BAZ1A: variants seen among roughly 807,000 people sequenced by gnomAD.
The protein encoded by BAZ1A is bromodomain adjacent to zinc finger domain protein 1A.
In BAZ1A, 50 loss-of-function variants were observed where a neutral mutation model predicts 185.2. The observed-to-expected ratio is 0.27, with a 90% CI of 0.22 to 0.34. The LOEUF is 0.34. Ranked by LOEUF, BAZ1A falls within the 10% of genes least tolerant of loss-of-function variation. The pLI is 1.00. For synonymous variants in BAZ1A, 571 were observed against 615.6 expected (o/e 0.93, Z 1.07); for missense variants, 1,356 against 1,839.9 (o/e 0.74, Z 4.81).
intron 18 of BAZ1A, 122 bp from the exon 19 acceptor site, chr14:34,774,612 CAAAT>C: frequency 1.3e-6 from 1 of 761,628 alleles, no homozygotes; most frequent in Non-Finnish European, 2.0e-6. Flanking sequence ...TCAAGTGCCA[CAAAT>C]GAATGAATGA....
chr14:34,800,350 G>A lies in BAZ1A; in HGVS notation c.1002C>T (p.Ala334=). The A allele has an allele frequency of 6.5e-7, 1 of 1,537,498 alleles. No individual in the cohort carries two copies. Among genetic ancestry groups the A allele is most frequent in the South Asian group, 1.3e-5 (1 of 79,034 alleles). The change falls in exon 9 of 27, where the codon GCC becomes GCT. Residue 334 remains alanine (A), a synonymous_variant. Transcript: ENST00000360310. ...CTTTTTCTTTTTTCTTCGCTTCTAG[G>A]GCATCTGCTTTTTCTCTTTTTAATT... The part of the protein sequence containing the change: ...KAKLKREKAD[A]LEAKKKEKED...
chr14:34,835,622 CACA>C (rs1358740982), intron 3 of BAZ1A, among the ~76,000 whole-genome samples: 2 of 151,002 alleles, frequency 1.3e-5, no homozygotes, highest in Non-Finnish European at 2.9e-5. Context: ...AGTATAAGGG[CACA>C]ACATTAATTA....
chr14:34,814,783 T>C (rs1468771211), intron 4 of BAZ1A, among the ~76,000 whole-genome samples: 1 of 149,460 alleles, frequency 6.7e-6, no homozygotes, highest in Non-Finnish European at 1.5e-5. Flanking sequence ...GACCTTATCT[T>C]TTTTTTTTTG....
intron 2 of BAZ1A, among the ~76,000 whole-genome samples, chr14:34,871,022 C>T (rs962254366): frequency 2.0e-5 from 3 of 152,102 alleles, no homozygotes; most frequent in African/African-American, 7.2e-5. Context: ...AGGCTGAACT[C>T]ACTCAAAGAT....
At chr14:34,846,754 T>C (rs2042518728) in intron 3 of BAZ1A, among the ~76,000 whole-genome samples, 1 of 152,110 alleles carries the variant, frequency 6.6e-6, no homozygotes, top group Non-Finnish European at 1.5e-5. Flanking sequence ...GGTTGGATGG[T>C]CTCTGGTACA....
In BAZ1A at chr14:34,874,686, A is replaced by G; in HGVS notation, c.-58-24T>C. The G allele has an allele frequency of 7.9e-7, 1 of 1,258,282 alleles. No individual in the cohort carries two copies. The highest frequency in any genetic ancestry group is 2.6e-5 in the East Asian group (1 of 38,560). 77.9% of individuals were successfully genotyped at this position (1,258,282 alleles called of 1,614,324 possible). A position where few individuals can be genotyped will look rare whatever the true frequency, so the allele number is the denominator to read the frequency against. On this transcript the variant is annotated intron_variant, in intron 1 of 26. Coordinates refer to ENST00000360310, the MANE Select transcript of BAZ1A (RefSeq NM_013448.3). The surrounding 1 kb of genome is among the most constrained non-coding windows in gnomAD (Gnocchi z 4.7). ...CCCTATCAAAATTGGAGGGAAAGGAAAGCCGGTAAGGTGGGGAGCCCTCGG... is the reference window on the plus strand; with the variant it reads ...CCCTATCAAAATTGGAGGGAAAGGAGAGCCGGTAAGGTGGGGAGCCCTCGG...
intron 3 of BAZ1A, among the ~76,000 whole-genome samples, chr14:34,858,636 C>G (rs1434237084): frequency 6.6e-6 from 1 of 151,452 alleles, no homozygotes; most frequent in Non-Finnish European, 1.5e-5. Flanking sequence ...AAATTTTTAT[C>G]AAGAATGTTT....
intron 17 of BAZ1A, among the ~76,000 whole-genome samples, chr14:34,778,361 A>G (rs72678739): frequency 0.013 from 2,006 of 152,342 alleles, 24 homozygotes; most frequent in Middle Eastern, 0.034. Flanking sequence ...TGACTTTGAC[A>G]GTATGTTGGA....
chr14:34,821,666 T>C (rs1244906280), intron 4 of BAZ1A, among the ~76,000 whole-genome samples: 2 of 152,246 alleles, frequency 1.3e-5, no homozygotes, highest in African/African-American at 4.8e-5. Context: ...AGGCTCAGAT[T>C]CTTTAATCAT....
chr14:34,861,448 G>A (rs2042767853), intron 3 of BAZ1A, among the ~76,000 whole-genome samples: 1 of 152,174 alleles, frequency 6.6e-6, no homozygotes, highest in Non-Finnish European at 1.5e-5. Flanking sequence ...TTGTATGTGA[G>A]TTACAGCTCA....
chr14:34,846,086 TATA>T (rs1566594070), intron 3 of BAZ1A, among the ~76,000 whole-genome samples: 1 of 152,174 alleles, frequency 6.6e-6, no homozygotes, highest in Non-Finnish European at 1.5e-5. Context: ...ATGAGCCTAT[TATA>T]ATATTTGCCT....
chr14:34,775,947 A>C lies in BAZ1A; in HGVS notation c.2805T>G (p.Arg935=), dbSNP rs756621015. ...EKSRICAQLA[R]FSEEKFHFSD... ...AAAAATGAAATTTCTCTTCAGAAAA[A>C]CGGGCTAGCTGTGCACATATTCTGC... The change falls in exon 18 of 27, where the codon CGT becomes CGG. Residue 935 remains arginine (R), a synonymous_variant. Coordinates refer to ENST00000360310, the MANE Select transcript of BAZ1A (RefSeq NM_013448.3). 6.4e-7 allele frequency: 1 copy of C among 1,558,880 alleles called. No homozygotes were observed. The highest frequency in any genetic ancestry group is 2.3e-5 in the East Asian group (1 of 44,114).
intron 4 of BAZ1A, among the ~76,000 whole-genome samples, chr14:34,820,484 A>G (rs1229008737): frequency 1.3e-5 from 2 of 152,176 alleles, no homozygotes; most frequent in Non-Finnish European, 2.9e-5. Flanking sequence ...TTGGATAACA[A>G]TCCTTCATCA....
intron 3 of BAZ1A, among the ~76,000 whole-genome samples, chr14:34,844,812 CAA>C (rs1555344293): frequency 5.5e-5 from 8 of 145,760 alleles, no homozygotes; most frequent in Admixed American, 1.4e-4. Flanking sequence ...CACACACACA[CAA>C]AATCCAACAT....
chr14:34,797,556 C>G (rs1955153494), intron 9 of BAZ1A, among the ~76,000 whole-genome samples: 2 of 151,168 alleles, frequency 1.3e-5, no homozygotes, highest in Non-Finnish European at 2.9e-5. Flanking sequence ...GACACTCCAT[C>G]TCAAAAAAAA....
chr14:34,775,867 A>G (rs1879565201), intron 18 of BAZ1A, 52 bp downstream of exon 18: 2 of 1,413,590 alleles, frequency 1.4e-6, no homozygotes, highest in African/African-American at 1.4e-5. Context: ...CTGAATGACC[A>G]GAGATTAGGG....
chr14:34,787,777 A>T (rs1241085838), intron 12 of BAZ1A, among the ~76,000 whole-genome samples: 1 of 152,258 alleles, frequency 6.6e-6, no homozygotes, highest in Non-Finnish European at 1.5e-5. Flanking sequence ...TGCTTAGCTT[A>T]CAAATAGAAC....
intron 4 of BAZ1A, among the ~76,000 whole-genome samples, chr14:34,812,139 G>T (rs978733753): frequency 4.6e-5 from 7 of 151,896 alleles, no homozygotes; most frequent in Admixed American, 2.0e-4. Flanking sequence ...AGTGCAGGGT[G>T]GGGGAGCCAT....
At chr14:34,797,020 C>A (rs1224978289) in intron 9 of BAZ1A, among the ~76,000 whole-genome samples, 3 of 151,926 alleles carry the variant, frequency 2.0e-5, no homozygotes, top group Non-Finnish European at 4.4e-5. Context: ...ACAAATTTAT[C>A]CTGGGACATA....
Sources: allele counts gnomAD v4.1 joint callset (sites outside exome capture counted in the v4.1 genomes callset), GRCh38; gene constraint gnomAD v4.1.1; non-coding constraint Gnocchi (gnomAD v3.1); transcripts MANE v1.5; gene names NCBI Gene and HGNC (gene_info 2026-07-23, HGNC 2026-07-21).